Variants in ATF1 observed in about 807,000 individuals in gnomAD.
ATF1 encodes cyclic AMP-dependent transcription factor ATF-1.
A neutral mutation model predicts 34.7 loss-of-function variants in ATF1; 16 were observed. That is an observed-to-expected ratio of 0.46 (90% CI 0.31 to 0.70). ATF1 has a LOEUF of 0.70. ATF1 is among the 30% of genes least tolerant of loss of function. The pLI is 0.05. For missense variants in ATF1, 255 were observed against 321.6 expected (o/e 0.79, Z 1.58); for synonymous variants, 105 against 113.1 (o/e 0.93, Z 0.46).
intron 3 of ATF1, among the ~76,000 whole-genome samples, chr12:50,805,959 T>C (rs940936152): frequency 6.6e-6 from 1 of 152,164 alleles, no homozygotes; most frequent in African/African-American, 2.4e-5. Flanking sequence ...AACACCAGCC[T>C]GGCCAACATG....
At position 50,783,551 on chromosome 12, in the gene ATF1, C is replaced by T. The variant is rs931746212; in HGVS notation, c.93+3313C>T. On this transcript the variant is annotated intron_variant, in intron 2 of 6. Coordinates refer to ENST00000262053, the MANE Select transcript of ATF1 (RefSeq NM_005171.5). ...ATAAATACATTTCTAGATAGTAAATCATTTTATAGTGATTTTTAAAAATAA... is the reference window on the plus strand; with the variant it reads ...ATAAATACATTTCTAGATAGTAAATTATTTTATAGTGATTTTTAAAAATAA... 1.9e-4 allele frequency among the ~76,000 whole-genome samples: 29 copies of T among 152,060 alleles called. 1 individual carries two copies. The highest frequency in any genetic ancestry group is 7.0e-4 in the African/African-American group (29 of 41,408).
At position 50,819,714 on chromosome 12, in the gene ATF1, C is replaced by A; in HGVS notation, c.751C>A (p.Gln251Lys). Residue 251 changes from glutamine to lysine, a missense_variant, in exon 7 of 7, where the codon CAA (glutamine) becomes AAA (lysine). By Grantham distance (53) the Gln-to-Lys change is moderately conservative. This residue lies in a region of ATF1 where 34 missense variants were observed against 70.8 expected (regional missense o/e 0.48). Coordinates refer to ENST00000262053, the MANE Select transcript of ATF1 (RefSeq NM_005171.5). ...LENRVAVLEN[Q>K]NKTLIEELKT... Reference sequence around the variant, plus strand: ...AAACCGAGTTGCAGTCCTGGAAAATCAAAATAAAACTCTAATAGAAGAGTT... The same window carrying A: ...AAACCGAGTTGCAGTCCTGGAAAATAAAAATAAAACTCTAATAGAAGAGTT... 1 of 1,606,558 alleles carries A rather than the reference C, an allele frequency of 6.2e-7. No homozygotes were observed. The highest frequency in any genetic ancestry group is 1.1e-5 in the South Asian group (1 of 89,922).
Position 50,821,151 on chromosome 12 carries a change from T to C in ATF1, c.*1372T>C, listed in dbSNP as rs2139706279. On this transcript the variant is annotated 3_prime_UTR_variant, in exon 7 of 7. Coordinates refer to ENST00000262053, the MANE Select transcript of ATF1 (RefSeq NM_005171.5). Reference sequence around the variant, plus strand: ...TGAATGTAAAATATAATGCTTGGTATATGAATGATAAGCTTGCTCCTGGCC... The same window carrying C: ...TGAATGTAAAATATAATGCTTGGTACATGAATGATAAGCTTGCTCCTGGCC... The C allele has an allele frequency of 5.7e-6, 1 of 174,534 alleles. No homozygotes were observed. The highest frequency in any genetic ancestry group is 2.3e-3 in the Middle Eastern group (1 of 426). 10.8% of individuals were successfully genotyped at this position (174,534 alleles called of 1,614,324 possible).
rs201939021 is a variant in ATF1 at position 50,796,021 on chromosome 12, C to T, written c.194+12C>T. 26 of 1,581,592 alleles carry T rather than the reference C, an allele frequency of 1.6e-5. No individual in the cohort carries two copies. The highest frequency in any genetic ancestry group is 2.1e-5 in the Non-Finnish European group (24 of 1,161,160). Reference sequence around the variant, plus strand: ...CGCCCATCTTACAGGTGAGTACTCTCTTGTATGAAGCCCTGCATGTTATGA... The same window carrying T: ...CGCCCATCTTACAGGTGAGTACTCTTTTGTATGAAGCCCTGCATGTTATGA... On this transcript the variant is annotated intron_variant, in intron 3 of 6. Transcript: ENST00000262053.
At chr12:50,785,715 G>C (rs1941173321) in intron 2 of ATF1, among the ~76,000 whole-genome samples, 1 of 152,122 alleles carries the variant, frequency 6.6e-6, no homozygotes, top group Non-Finnish European at 1.5e-5. Context: ...GTGGCTGTAG[G>C]ACTGAGTGCT....
chr12:50,764,754 G>C (rs1940587484), intron 1 of ATF1: 1 of 152,280 alleles, frequency 6.6e-6, no homozygotes, highest in African/African-American at 2.4e-5. Context: ...CTCGAAGCGC[G>C]TCGGCGCTGG....
intron 3 of ATF1, among the ~76,000 whole-genome samples, chr12:50,808,414 C>T (rs562189466): frequency 2.8e-4 from 43 of 151,556 alleles, no homozygotes; most frequent in African/African-American, 9.2e-4. Flanking sequence ...CTGCAACCTC[C>T]GCCTCCCAGG....
At chr12:50,791,918 A>G (rs1941309949) in intron 2 of ATF1, among the ~76,000 whole-genome samples, 2 of 152,070 alleles carry the variant, frequency 1.3e-5, no homozygotes, top group Non-Finnish European at 2.9e-5. Flanking sequence ...TGAAATATAT[A>G]TATATATTTT....
chr12:50,810,502 T>G (rs774163783), intron 4 of ATF1, among the ~76,000 whole-genome samples: 25 of 152,220 alleles, frequency 1.6e-4, no homozygotes, highest in Non-Finnish European at 3.2e-4. Flanking sequence ...ATTACAGGCG[T>G]GAGCCACCAC....
chr12:50,804,902 T>G (rs368625166), intron 3 of ATF1, among the ~76,000 whole-genome samples: 17 of 151,748 alleles, frequency 1.1e-4, no homozygotes, highest in African/African-American at 3.9e-4. Context: ...ACCTCCGCCT[T>G]CCAGGTTCAA....
At chr12:50,809,394 AATTAT>A in intron 3 of ATF1, 57 bp from the exon 4 acceptor site, 11 of 1,135,860 alleles carry the variant, frequency 9.7e-6, no homozygotes, top group Middle Eastern at 3.2e-4. Flanking sequence ...AAAAAAAAAA[AATTAT>A]TTTTGTGAAG....
In ATF1 at chr12:50,819,713, T is replaced by G. The variant is rs895879138; in HGVS notation, c.750T>G (p.Asn250Lys). The part of the protein sequence containing the change: ...CLENRVAVLE[N>K]QNKTLIEELK... ...AAAACCGAGTTGCAGTCCTGGAAAATCAAAATAAAACTCTAATAGAAGAGT... is the reference window on the plus strand; with the variant it reads ...AAAACCGAGTTGCAGTCCTGGAAAAGCAAAATAAAACTCTAATAGAAGAGT... The change falls in exon 7 of 7, where the codon AAT becomes AAG. Residue 250 changes from asparagine (N) to lysine (K), a missense_variant. Transcript: ENST00000262053. The G allele has an allele frequency of 6.2e-7, 1 of 1,608,536 alleles. No homozygotes were observed. The highest frequency in any genetic ancestry group is 8.5e-7 in the Non-Finnish European group (1 of 1,176,268).
At chr12:50,791,736 CTGT>C (rs1592184247) in intron 2 of ATF1, among the ~76,000 whole-genome samples, 1 of 152,222 alleles carries the variant, frequency 6.6e-6, no homozygotes, top group East Asian at 1.9e-4. Context: ...CATGAGATCT[CTGT>C]TAACTGAAAA....
chr12:50,819,889 C>T lies in ATF1; in HGVS notation c.*110C>T. ...ACTGAAGCTTTTTATTTAGGCTTTT[C>T]CAAATCAAGGATAAATATCTTACGC... On this transcript the variant is annotated 3_prime_UTR_variant, in exon 7 of 7. Transcript: ENST00000262053. The T allele has an allele frequency of 6.3e-6, 6 of 957,012 alleles. No homozygotes were observed. Among genetic ancestry groups the T allele is most frequent in the Non-Finnish European group, 9.1e-6 (6 of 660,542 alleles). 59.3% of individuals were successfully genotyped at this position (957,012 alleles called of 1,614,324 possible).
intron 4 of ATF1, among the ~76,000 whole-genome samples, chr12:50,810,500 C>T (rs1049395798): frequency 3.9e-5 from 6 of 152,152 alleles, no homozygotes; most frequent in South Asian, 2.1e-4. Context: ...GGATTACAGG[C>T]GTGAGCCACC....
intron 1 of ATF1, among the ~76,000 whole-genome samples, chr12:50,767,390 T>C (rs1335425324): frequency 6.6e-6 from 1 of 151,906 alleles, no homozygotes; most frequent in Non-Finnish European, 1.5e-5. Context: ...TGTGGTGGCG[T>C]GCGCCTGTAG....
At chr12:50,816,239 AT>A (rs1941840514) in intron 6 of ATF1, among the ~76,000 whole-genome samples, 1 of 152,022 alleles carries the variant, frequency 6.6e-6, no homozygotes, top group Non-Finnish European at 1.5e-5. Flanking sequence ...AGGTGGGAGG[AT>A]TGCTTGAGCC....
intron 3 of ATF1, among the ~76,000 whole-genome samples, chr12:50,800,265 A>G (rs1265329800): frequency 6.6e-6 from 1 of 152,250 alleles, no homozygotes; most frequent in South Asian, 2.1e-4. Context: ...TTCTATGTCT[A>G]CTGAAAACAT....
chr12:50,781,537 G>A (rs1248899865), intron 2 of ATF1, among the ~76,000 whole-genome samples: 9 of 151,510 alleles, frequency 5.9e-5, no homozygotes, highest in Non-Finnish European at 1.0e-4. Context: ...TACAACCTCC[G>A]CCTCCCGGGT....
Sources: gnomAD v4.1 joint callset for allele counts (sites outside exome capture counted in the v4.1 genomes callset) on GRCh38, gnomAD v4.1.1 for gene constraint, gnomAD v4.1.1 regional missense constraint, MANE v1.5 for transcripts, NCBI Gene and HGNC (gene_info 2026-07-23, HGNC 2026-07-21) for gene names.